MGA: variants seen among roughly 807,000 people sequenced by gnomAD.
MGA encodes the protein MAX gene-associated protein.
MGA carries 40 observed loss-of-function variants against 261.1 expected under a neutral mutation model. The ratio of observed to expected loss-of-function variants is 0.15; its 90% CI spans 0.12 to 0.20. MGA has a LOEUF of 0.20. Ranked by LOEUF, MGA falls within the 10% of genes least tolerant of loss-of-function variation. MGA has a pLI of 1.00. For synonymous variants in MGA, 1,302 were observed against 1,290.6 expected, an observed-to-expected ratio of 1.01 and a Z score of -0.19; for missense variants, 3,397 against 3,630.5, an observed-to-expected ratio of 0.94 and a Z score of 1.65.
At chr15:41,757,514 C>T (rs1349765102) in intron 18 of MGA, among the ~76,000 whole-genome samples, 2 of 152,088 alleles carry the variant, frequency 1.3e-5, no homozygotes, top group African/African-American at 4.8e-5. Flanking sequence ...AGTTTTGGAA[C>T]GAGTCTTCCC....
chr15:41,748,602 A>T (rs2062647797), intron 15 of MGA, 35 bp from the exon 16 acceptor site: 1 of 1,596,226 alleles, frequency 6.3e-7, no homozygotes, highest in East Asian at 2.2e-5. Context: ...TTAAAGGGGA[A>T]TTTGGGTACC....
chr15:41,700,834 C>T (rs1010372700), intron 5 of MGA, among the ~76,000 whole-genome samples: 23 of 151,982 alleles, frequency 1.5e-4, no homozygotes, highest in African/African-American at 4.1e-4. Flanking sequence ...CATTAATTTT[C>T]AGAAGGGTGT....
intron 2 of MGA, 52 bp downstream of exon 2, chr15:41,670,010 C>A: frequency 7.0e-7 from 1 of 1,430,858 alleles, no homozygotes; most frequent in East Asian, 2.3e-5. Flanking sequence ...TGAGATGGGC[C>A]AGGTGTTGGA....
intron 2 of MGA, among the ~76,000 whole-genome samples, chr15:41,688,900 A>T (rs1419071928): frequency 6.6e-6 from 1 of 152,260 alleles, no homozygotes; most frequent in East Asian, 1.9e-4. Flanking sequence ...GCTTGTATAC[A>T]TATATAGCTG....
intron 2 of MGA, among the ~76,000 whole-genome samples, chr15:41,680,089 A>G (rs2151082818): frequency 6.6e-6 from 1 of 152,280 alleles, no homozygotes; most frequent in South Asian, 2.1e-4. Flanking sequence ...GGCCCAAATC[A>G]CATTGTTTTA....
In MGA at chr15:41,766,142, C is replaced by G. The variant is rs1317238812; in HGVS notation, c.8060C>G (p.Thr2687Ser). Residue 2687 changes from threonine (T) to serine (S), a missense_variant, in exon 24 of 24, where the codon ACC becomes AGC. This residue lies in a region of MGA where 647 missense variants were observed against 642.4 expected (regional missense o/e 1.01). Coordinates refer to ENST00000219905, the MANE Select transcript of MGA (RefSeq NM_001164273.2). ...AAGCCATCTGACCATCTGAAAGACA[C>G]CGTCAGGAATGAAGATAATTCCTTA... The G allele has an allele frequency of 6.2e-7, 1 of 1,613,968 alleles. No homozygotes were observed. Among genetic ancestry groups the G allele is most frequent in the East Asian group, 2.2e-5 (1 of 44,880 alleles).
At chr15:41,692,779 T>G (rs756457879) in intron 2 of MGA, among the ~76,000 whole-genome samples, 3 of 152,168 alleles carry the variant, frequency 2.0e-5, no homozygotes, top group Non-Finnish European at 4.4e-5. Flanking sequence ...TGGTGCGATC[T>G]TGGCTCACTG....
At position 41,713,630 on chromosome 15, in the gene MGA, A is replaced by T. The variant is rs1320841451; in HGVS notation, c.3430+134A>T. On this transcript the variant is annotated intron_variant, in intron 9 of 23. Coordinates refer to ENST00000219905, the MANE Select transcript of MGA (RefSeq NM_001164273.2). ...CTTTGAGACTTCTTATTATCCTTAC[A>T]TGCTCTTTCTGACTGGCTATCTGAG... 3.6e-6 allele frequency: 4 copies of T among 1,100,686 alleles called. No individual in the cohort carries two copies. The Admixed American group carries it at 8.9e-5, about 25-fold the overall frequency. The allele number at this position is 1,100,686 out of a possible 1,614,324, so 68.2% of individuals were successfully genotyped here. A position where few individuals can be genotyped will look rare whatever the true frequency, so the allele number is the denominator to read the frequency against.
chr15:41,762,280 A>G lies in MGA; in HGVS notation c.7662A>G (p.Ser2554=), dbSNP rs2063502006. ...AACAGCAGGAAGGATCTTCTGCATC[A>G]TCTGTAGATCTTGGACAGATGTTTA... The change falls in exon 22 of 24, where the codon TCA becomes TCG. Residue 2554 remains serine (S), a synonymous_variant. Transcript: ENST00000219905. 6.2e-7 allele frequency: 1 copy of G among 1,613,936 alleles called. No homozygotes were observed. The highest frequency in any genetic ancestry group is 8.5e-7 in the Non-Finnish European group (1 of 1,179,872).
chr15:41,759,014 T>C (rs945855402), intron 19 of MGA, among the ~76,000 whole-genome samples: 1 of 152,034 alleles, frequency 6.6e-6, no homozygotes, highest in African/African-American at 2.4e-5. Flanking sequence ...AATGTGAGAA[T>C]ACAAATGACA....
chr15:41,639,020 T>TG (rs1233693781), intron 1 of MGA, among the ~76,000 whole-genome samples: 2 of 151,964 alleles, frequency 1.3e-5, no homozygotes, highest in African/African-American at 4.8e-5. Flanking sequence ...CTTTTTTTGA[T>TG]GGGGGTCTCA....
At chr15:41,634,978 TAGG>T (rs562946808) in intron 1 of MGA, among the ~76,000 whole-genome samples, 71 of 152,106 alleles carry the variant, frequency 4.7e-4, no homozygotes, top group Middle Eastern at 3.4e-3. Context: ...TAAGAACACT[TAGG>T]AGATTATTAG....
At chr15:41,716,448 C>T (rs1471070444) in intron 9 of MGA, among the ~76,000 whole-genome samples, 1 of 150,180 alleles carries the variant, frequency 6.7e-6, no homozygotes, top group Non-Finnish European at 1.5e-5. Context: ...AGCGAGACTC[C>T]GTATCAAAAA....
chr15:41,764,848 G>A, intron 22 of MGA, 38 bp from the exon 23 acceptor site: 1 of 1,603,988 alleles, frequency 6.2e-7, no homozygotes, highest in Non-Finnish European at 8.5e-7. Flanking sequence ...CCAGCTGAAT[G>A]CCTTTTATCT....
intron 2 of MGA, among the ~76,000 whole-genome samples, chr15:41,685,147 T>A (rs2058887563): frequency 1.3e-5 from 2 of 152,200 alleles, no homozygotes; most frequent in African/African-American, 4.8e-5. Flanking sequence ...TTTTTGTACA[T>A]GCTGTGAAGG....
At chr15:41,632,282 G>A (rs982113198) in intron 1 of MGA, among the ~76,000 whole-genome samples, 3 of 152,172 alleles carry the variant, frequency 2.0e-5, no homozygotes, top group African/African-American at 7.2e-5. Context: ...TGCAGGACCA[G>A]CCCAGAGAGT....
At chr15:41,691,988 T>A (rs1023218668) in intron 2 of MGA, among the ~76,000 whole-genome samples, 1 of 152,224 alleles carries the variant, frequency 6.6e-6, no homozygotes, top group Non-Finnish European at 1.5e-5. Flanking sequence ...TTGGAAGATT[T>A]TTGTTCATTT....
chr15:41,729,096 C>T (rs1365035389), intron 10 of MGA, 68 bp from the exon 11 acceptor site: 9 of 1,432,282 alleles, frequency 6.3e-6, no homozygotes, highest in Admixed American at 2.5e-5. Context: ...ATTAAACATT[C>T]GTTTTGTTTT....
At chr15:41,762,449 T>C (rs185791316) in intron 22 of MGA, 87 bp downstream of exon 22, 1 of 884,076 alleles carries the variant, frequency 1.1e-6, no homozygotes, top group Non-Finnish European at 1.7e-6. Context: ...TCCACATTTT[T>C]AGTTTTGTGT....
Sources: gnomAD v4.1 joint callset for allele counts (sites outside exome capture counted in the v4.1 genomes callset) on GRCh38, gnomAD v4.1.1 for gene constraint, gnomAD v4.1.1 regional missense constraint, MANE v1.5 for transcripts, NCBI Gene and HGNC (gene_info 2026-07-23, HGNC 2026-07-21) for gene names.